The following AGBL1 variants were observed in gnomAD, a reference collection of about 807,000 sequenced individuals.
AGBL1 encodes the protein cytosolic carboxypeptidase 4.
A neutral mutation model predicts 118.9 loss-of-function variants in AGBL1; 130 were observed. That is an observed-to-expected ratio of 1.09 (90% CI 0.95 to 1.26). The LOEUF (loss-of-function observed/expected upper bound fraction) is 1.26, where lower values mean the gene tolerates loss of function less well. AGBL1 is among the 50% of genes most tolerant of loss of function. The pLI is 0.00. For missense variants in AGBL1, 1,584 were observed against 1,298.1 expected (o/e 1.22, Z -3.38); for synonymous variants, 555 against 478.9 (o/e 1.16, Z -2.08).
intron 18 of AGBL1, among the ~76,000 whole-genome samples, chr15:86,521,614 C>T (rs553563002): frequency 6.6e-5 from 10 of 152,188 alleles, no homozygotes; most frequent in Middle Eastern, 3.4e-3. Flanking sequence ...ATCCCCTAAA[C>T]GTTGAAGAGG....
intron 17 of AGBL1, among the ~76,000 whole-genome samples, chr15:86,386,841 A>T (rs893701902): frequency 6.6e-6 from 1 of 152,124 alleles, no homozygotes; most frequent in Non-Finnish European, 1.5e-5. Context: ...AGTCCCTATT[A>T]TAGTGCCTGT....
Position 86,219,945 on chromosome 15 carries a change from C to CTT in AGBL1, c.489-4945_489-4944dup, listed in dbSNP as rs68023928. On this transcript the variant is annotated intron_variant, in intron 5 of 22. Coordinates refer to ENST00000614907, the MANE Select transcript of AGBL1 (RefSeq NM_001386094.1). The stretch of plus-strand genomic sequence containing the variant: ...GGTAGACTTATAGCTAATGCTGCCT[C>CTT]TTTTTTTTTTTTTTTTTTTTTTTTT... Among the ~76,000 whole-genome samples the CTT allele has an allele frequency of 8.6e-3, 738 of 85,682 alleles. 53 individuals carry two copies. The highest frequency in any genetic ancestry group is 0.018 in the African/African-American group (404 of 23,074). The allele number at this position is 85,682 out of a possible 152,430, so 56.2% of individuals were successfully genotyped here.
chr15:86,786,581 A>G (rs937174588), intron 22 of AGBL1, among the ~76,000 whole-genome samples: 3 of 152,210 alleles, frequency 2.0e-5, no homozygotes, highest in African/African-American at 7.2e-5. Context: ...GTCAGAATCC[A>G]TCTTCCTCTT....
intron 24 of AGBL1, among the ~76,000 whole-genome samples, chr15:87,002,569 A>G (rs1234754690): frequency 6.6e-6 from 1 of 152,098 alleles, no homozygotes; most frequent in Admixed American, 6.6e-5. Flanking sequence ...TACCTTGGGC[A>G]GTATGGCCAT....
intron 21 of AGBL1, among the ~76,000 whole-genome samples, chr15:86,563,840 G>A (rs2083870089): frequency 6.6e-6 from 1 of 152,124 alleles, no homozygotes; most frequent in Non-Finnish European, 1.5e-5. Flanking sequence ...ATATATTTAG[G>A]ATAGTTAGCT....
intron 1 of AGBL1, among the ~76,000 whole-genome samples, chr15:86,128,775 A>T (rs370819392): frequency 6.6e-6 from 1 of 152,194 alleles, no homozygotes; most frequent in Non-Finnish European, 1.5e-5. Context: ...ATGTAGCAGA[A>T]TGAAGGGAAC....
intron 17 of AGBL1, among the ~76,000 whole-genome samples, chr15:86,389,927 T>G (rs1436667975): frequency 6.6e-6 from 1 of 152,148 alleles, no homozygotes; most frequent in Non-Finnish European, 1.5e-5. Context: ...TATAAATCAT[T>G]AATTATATCA....
intron 21 of AGBL1, among the ~76,000 whole-genome samples, chr15:86,590,480 T>C (rs931556108): frequency 4.6e-5 from 7 of 152,222 alleles, no homozygotes; most frequent in African/African-American, 1.7e-4. Flanking sequence ...TGATTGTAAG[T>C]TTCCTGAGGC....
intron 1 of AGBL1, among the ~76,000 whole-genome samples, chr15:86,126,275 T>C (rs1898425716): frequency 6.6e-6 from 1 of 152,210 alleles, no homozygotes; most frequent in African/African-American, 2.4e-5. Context: ...TATTCAGCCT[T>C]ATTTTCACAT....
chr15:86,607,587 G>A (rs1342135049), intron 21 of AGBL1, among the ~76,000 whole-genome samples: 1 of 152,116 alleles, frequency 6.6e-6, no homozygotes, highest in Non-Finnish European at 1.5e-5. Flanking sequence ...AGCATTTGGT[G>A]TTTTATATTT....
At chr15:86,894,685 G>C (rs1252701692) in intron 22 of AGBL1, among the ~76,000 whole-genome samples, 1 of 152,180 alleles carries the variant, frequency 6.6e-6, no homozygotes, top group Non-Finnish European at 1.5e-5. Flanking sequence ...ACAAGGAGCA[G>C]TGGTGAAACC....
intron 1 of AGBL1, among the ~76,000 whole-genome samples, chr15:86,095,424 C>T (rs1170678392): frequency 2.0e-5 from 3 of 152,070 alleles, no homozygotes; most frequent in Non-Finnish European, 2.9e-5. Flanking sequence ...GTCCTCCAGT[C>T]ACCAGCCATC....
chr15:86,323,802 T>C (rs1236810275), intron 17 of AGBL1, among the ~76,000 whole-genome samples: 1 of 152,222 alleles, frequency 6.6e-6, no homozygotes, highest in Non-Finnish European at 1.5e-5. Flanking sequence ...TCATGGACCA[T>C]TGGTGCTCAG....
At chr15:86,150,670 C>A (rs933751682) in intron 3 of AGBL1, among the ~76,000 whole-genome samples, 1 of 152,158 alleles carries the variant, frequency 6.6e-6, no homozygotes. Context: ...GATGGATTCA[C>A]AGCCAAATTC....
intron 22 of AGBL1, among the ~76,000 whole-genome samples, chr15:86,855,849 C>T (rs572229412): frequency 2.0e-5 from 3 of 152,320 alleles, no homozygotes; most frequent in East Asian, 3.9e-4. Flanking sequence ...TCATCTGGGA[C>T]CCCTGCTCAG....
intron 24 of AGBL1, among the ~76,000 whole-genome samples, chr15:86,996,059 A>G (rs1036706214): frequency 6.6e-5 from 10 of 152,060 alleles, no homozygotes; most frequent in South Asian, 2.1e-4. Context: ...TCAGCTTTGC[A>G]TTTTTTACAA....
At chr15:86,716,065 CAAAA>C (rs35322996) in intron 22 of AGBL1, among the ~76,000 whole-genome samples, 6 of 109,788 alleles carry the variant, frequency 5.5e-5, no homozygotes, top group Non-Finnish European at 2.1e-5. Context: ...GACTCCGTCT[CAAAA>C]AAAAAAAAAA....
intron 19 of AGBL1, among the ~76,000 whole-genome samples, chr15:86,527,177 G>C (rs2083279663): frequency 1.3e-5 from 2 of 152,146 alleles, no homozygotes; most frequent in African/African-American, 4.8e-5. Context: ...TGAGTAGAAA[G>C]CTTTAGCTTC....
intron 22 of AGBL1, among the ~76,000 whole-genome samples, chr15:86,778,658 C>T (rs2078291686): frequency 6.6e-6 from 1 of 152,174 alleles, no homozygotes; most frequent in Non-Finnish European, 1.5e-5. Context: ...GCTCCCTGAA[C>T]ATTGCTGTTA....
Sources: allele counts gnomAD v4.1 joint callset (sites outside exome capture counted in the v4.1 genomes callset), GRCh38; gene constraint gnomAD v4.1.1; transcripts MANE v1.5; gene names NCBI Gene and HGNC (gene_info 2026-07-23, HGNC 2026-07-21).